Variants in MAP3K4 observed in about 807,000 individuals in gnomAD.
MAP3K4 encodes MAP three kinase 1.
In MAP3K4, 67 loss-of-function variants were observed where a neutral mutation model predicts 185.6. That is an observed-to-expected ratio of 0.36 (90% CI 0.30 to 0.44). The LOEUF (loss-of-function observed/expected upper bound fraction) is 0.44, where lower values mean the gene tolerates loss of function less well. Ranked by LOEUF, MAP3K4 falls within the 20% of genes least tolerant of loss-of-function variation. The pLI is 1.00. For synonymous variants in MAP3K4, 702 were observed against 710.4 expected, an observed-to-expected ratio of 0.99 and a Z score of 0.19; for missense variants, 1,551 against 1,995.1, an observed-to-expected ratio of 0.78 and a Z score of 4.24.
In MAP3K4 at chr6:161,073,601, A is replaced by G; in HGVS notation, c.2086A>G (p.Lys696Glu). 2 of 1,612,610 alleles carry G rather than the reference A, an allele frequency of 1.2e-6. No individual in the cohort carries two copies. Among genetic ancestry groups the G allele is most frequent in the Non-Finnish European group, 1.7e-6 (2 of 1,179,504 alleles). ...TGACGCTTTTGAAGAGGATCTACAT[A>G]AAATGCTTATGGTCAGAAGCAGTGG... ...NIDAFEEDLHKMLMVYFDYMR... is the reference protein window; with the variant it reads ...NIDAFEEDLHEMLMVYFDYMR... Residue 696 changes from lysine to glutamate, a missense_variant, in exon 5 of 27, where the codon AAA (lysine) becomes GAA (glutamate). Lys to Glu is a moderately conservative substitution (Grantham distance 56). This residue lies in a region of MAP3K4 where 130 missense variants were observed against 171.3 expected (regional missense o/e 0.76). Transcript: ENST00000392142. This position sits in a 1 kb window ranked among gnomAD's most constrained non-coding sequence, Gnocchi z 4.2.
intron 2 of MAP3K4, among the ~76,000 whole-genome samples, chr6:161,042,790 G>A (rs1449561596): frequency 6.6e-6 from 1 of 152,148 alleles, no homozygotes; most frequent in Non-Finnish European, 1.5e-5. Context: ...GCATTGCTGG[G>A]CGATCATTGT....
intron 18 of MAP3K4, among the ~76,000 whole-genome samples, chr6:161,102,253 C>G (rs567252554): frequency 1.4e-4 from 21 of 152,254 alleles, no homozygotes; most frequent in Admixed American, 4.6e-4. Flanking sequence ...TATTATTATT[C>G]TAGATATTTT....
chr6:161,047,557 G>A (rs1783791836), intron 2 of MAP3K4, among the ~76,000 whole-genome samples: 2 of 152,100 alleles, frequency 1.3e-5, no homozygotes, highest in African/African-American at 2.4e-5. Flanking sequence ...TGAGTGTAGA[G>A]GGTAGATTGA....
At position 161,070,890 on chromosome 6, in the gene MAP3K4, A is replaced by G. The variant is rs758861666; in HGVS notation, c.1950+40A>G. 1.2e-5 allele frequency: 18 copies of G among 1,523,968 alleles called. No individual in the cohort carries two copies. Among genetic ancestry groups the G allele is most frequent in the Middle Eastern group, 2.3e-4 (1 of 4,440 alleles). 94.4% of individuals were successfully genotyped at this position (1,523,968 alleles called of 1,614,324 possible). Reference sequence around the variant, plus strand: ...CTCTTTAAAATATTTAGCAATTATTATATTATCCTACAGGCTTATCATTTT... The same window carrying G: ...CTCTTTAAAATATTTAGCAATTATTGTATTATCCTACAGGCTTATCATTTT... On this transcript the variant is annotated intron_variant, in intron 4 of 26. Transcript: ENST00000392142. The surrounding 1 kb of genome is among the most constrained non-coding windows in gnomAD (Gnocchi z 4.5).
In MAP3K4 at chr6:161,073,481, A is replaced by G. The variant is rs1260162359; in HGVS notation, c.1966A>G (p.Lys656Glu). The change falls in exon 5 of 27, where the codon AAG (lysine) becomes GAG (glutamate). Residue 656 changes from lysine (K) to glutamate (E), a missense_variant. Lys to Glu is a moderately conservative substitution (Grantham distance 56, BLOSUM62 1). Transcript: ENST00000392142. This position sits in a 1 kb window ranked among gnomAD's most constrained non-coding sequence, Gnocchi z 4.2. ...LSIKQLVREC[K>E]EVLKGGLLMK... Reference sequence around the variant, plus strand: ...TGTTTTGCAGCTGGTGAGAGAGTGTAAGGAGGTCCTGAAGGGCGGCCTGCT... The same window carrying G: ...TGTTTTGCAGCTGGTGAGAGAGTGTGAGGAGGTCCTGAAGGGCGGCCTGCT... 4 of 1,611,432 alleles carry G rather than the reference A, an allele frequency of 2.5e-6. No homozygotes were observed. The highest frequency in any genetic ancestry group is 3.4e-6 in the Non-Finnish European group (4 of 1,178,912).
intron 11 of MAP3K4, among the ~76,000 whole-genome samples, chr6:161,090,249 G>A (rs1335574893): frequency 2.0e-5 from 3 of 152,208 alleles, no homozygotes; most frequent in African/African-American, 7.2e-5. Context: ...ACCATAGTAA[G>A]GGGATTGCCT....
At position 160,991,825 on chromosome 6, in the gene MAP3K4, G is replaced by A. The variant is rs1002758621; in HGVS notation, c.-107G>A. On this transcript the variant is annotated 5_prime_UTR_variant, in exon 1 of 27. Transcript: ENST00000392142. This position sits in a 1 kb window ranked among gnomAD's most constrained non-coding sequence, Gnocchi z 5.7. ...CGGCGCGCACGGCTCCTGCGGCGGG[G>A]TAGAGGCGGAGGCGGAGTCGAGTCA... 224 of 1,274,904 alleles carry A rather than the reference G, an allele frequency of 1.8e-4. 1 individual carries two copies. The East Asian group carries it at 5.5e-3, about 31-fold the overall frequency. The allele number at this position is 1,274,904 out of a possible 1,614,324, so 79.0% of individuals were successfully genotyped here.
intron 1 of MAP3K4, among the ~76,000 whole-genome samples, chr6:160,994,969 GATT>G (rs1403422448): frequency 6.6e-6 from 1 of 152,190 alleles, no homozygotes; most frequent in Non-Finnish European, 1.5e-5. Flanking sequence ...AAAGTGTTGG[GATT>G]ACAGGCGTGA....
rs1289592299 is a variant in MAP3K4 at position 161,076,449 on chromosome 6, G to A, written c.2097+2837G>A. Among the ~76,000 whole-genome samples the A allele has an allele frequency of 1.3e-5, 2 of 152,170 alleles. No individual in the cohort carries two copies. The highest frequency in any genetic ancestry group is 4.8e-5 in the African/African-American group (2 of 41,434). ...TTTACTCTGCGTTAGGACATCCACT[G>A]TACTCGAAAAACTGAGACACTTAAG... On this transcript the variant is annotated intron_variant, in intron 5 of 26. Coordinates refer to ENST00000392142, the MANE Select transcript of MAP3K4 (RefSeq NM_005922.4). This position sits in a 1 kb window ranked among gnomAD's most constrained non-coding sequence, Gnocchi z 4.2.
rs1341686363 is a variant in MAP3K4 at position 161,070,867 on chromosome 6, C to G, written c.1950+17C>G. The stretch of plus-strand genomic sequence containing the variant: ...ATTAAGCAGGTTTGCTTCAAAGACT[C>G]TTTAAAATATTTAGCAATTATTATA... On this transcript the variant is annotated intron_variant, in intron 4 of 26. Transcript: ENST00000392142. The surrounding 1 kb of genome is among the most constrained non-coding windows in gnomAD (Gnocchi z 4.5). The G allele has an allele frequency of 5.7e-6, 9 of 1,582,512 alleles. No individual in the cohort carries two copies. In the Admixed American group the frequency reaches 7.3e-5, roughly 13 times the overall value.
chr6:161,072,045 A>G (rs1003438178), intron 4 of MAP3K4, among the ~76,000 whole-genome samples: 1 of 152,242 alleles, frequency 6.6e-6, no homozygotes, highest in African/African-American at 2.4e-5. Flanking sequence ...TAGCACTGCT[A>G]GAGTAGAAAG....
chr6:161,108,210 G>T lies in MAP3K4; in HGVS notation c.4119+241G>T, dbSNP rs1162849582. On this transcript the variant is annotated intron_variant, in intron 21 of 26. Coordinates refer to ENST00000392142, the MANE Select transcript of MAP3K4 (RefSeq NM_005922.4). The surrounding 1 kb of genome is among the most constrained non-coding windows in gnomAD (Gnocchi z 5.7). ...TTCTAACAGCACAGGTGTGAGAAGG[G>T]CCTATGAGGGTGGCAGAGCTGAGTC... Among the ~76,000 whole-genome samples the T allele has an allele frequency of 6.6e-6, 1 of 152,234 alleles. No homozygotes were observed. Among genetic ancestry groups the T allele is most frequent in the Admixed American group, 6.5e-5 (1 of 15,288 alleles).
chr6:161,105,631 C>T (rs918888410), intron 19 of MAP3K4, among the ~76,000 whole-genome samples: 8 of 152,186 alleles, frequency 5.3e-5, no homozygotes, highest in African/African-American at 1.9e-4. Flanking sequence ...AACAGATACT[C>T]AGGTATGAAG....
In MAP3K4 at chr6:161,053,154, G is replaced by C. The variant is rs1244139124; in HGVS notation, c.1707+3175G>C. On this transcript the variant is annotated intron_variant, in intron 3 of 26. Coordinates refer to ENST00000392142, the MANE Select transcript of MAP3K4 (RefSeq NM_005922.4). This position sits in a 1 kb window ranked among gnomAD's most constrained non-coding sequence, Gnocchi z 4.2. ...TCAGCTTCTGGGGAGGCCTCAGGGA[G>C]CTATAGTCATGATGGAAGGCAAAGC... 2.0e-5 allele frequency among the ~76,000 whole-genome samples: 3 copies of C among 152,214 alleles called. No homozygotes were observed. Among genetic ancestry groups the C allele is most frequent in the African/African-American group, 7.2e-5 (3 of 41,448 alleles).
In MAP3K4 at chr6:161,109,843, T is replaced by G. The variant is rs1778266234; in HGVS notation, c.4325T>G (p.Leu1442Arg). The change falls in exon 23 of 27, where the codon CTG (leucine) becomes CGG (arginine). Residue 1442 changes from leucine to arginine, a missense_variant. Leu to Arg is a moderately radical substitution (Grantham distance 102, BLOSUM62 -2). Transcript: ENST00000392142. This position sits in a 1 kb window ranked among gnomAD's most constrained non-coding sequence, Gnocchi z 5.7. Reference protein sequence around the residue: ...RLGLQEHVIRLYSKQITIAIN... With the variant: ...RLGLQEHVIRRYSKQITIAIN... ...GGACTTCAGGAACATGTGATTAGGC[T>G]GTATTCAAAGCAGATCACCATTGCG... 1 of 1,614,026 alleles carries G rather than the reference T, an allele frequency of 6.2e-7. No individual in the cohort carries two copies. Among genetic ancestry groups the G allele is most frequent in the South Asian group, 1.1e-5 (1 of 91,078 alleles).
chr6:161,071,338 AGGAG>A lies in MAP3K4; in HGVS notation c.1950+489_1950+492del, dbSNP rs1446264712. On this transcript the variant is annotated intron_variant, in intron 4 of 26. Transcript: ENST00000392142. The surrounding 1 kb of genome is among the most constrained non-coding windows in gnomAD (Gnocchi z 4.6). The stretch of plus-strand genomic sequence containing the variant: ...GGATCTTACGGATGTTTGATATCCC[AGGAG>A]CAGCAGCGGAATGGGTGGAAGCAGT... Among the ~76,000 whole-genome samples the A allele has an allele frequency of 6.6e-6, 1 of 152,206 alleles. No individual in the cohort carries two copies. The highest frequency in any genetic ancestry group is 2.4e-5 in the African/African-American group (1 of 41,458).
chr6:161,104,767 T>C (rs947475263), intron 19 of MAP3K4, among the ~76,000 whole-genome samples: 2 of 151,678 alleles, frequency 1.3e-5, no homozygotes, highest in African/African-American at 4.8e-5. Context: ...CTCAGAAATA[T>C]TTGTCAGTGG....
chr6:161,116,066 GT>G lies in MAP3K4; in HGVS notation c.4806+766del, dbSNP rs1227735692. ...GGTGAGTGAACAGCGGCATTTAAGA[GT>G]TAGAGTGCCGTGGCTGACCCCTGAT... is the stretch of plus-strand genomic sequence containing the variant. On this transcript the variant is annotated intron_variant, in intron 26 of 26. Transcript: ENST00000392142. The surrounding 1 kb of genome is among the most constrained non-coding windows in gnomAD (Gnocchi z 6.2). Among the ~76,000 whole-genome samples the G allele has an allele frequency of 2.0e-5, 3 of 152,156 alleles. No homozygotes were observed. The highest frequency in any genetic ancestry group is 2.9e-5 in the Non-Finnish European group (2 of 68,022).
chr6:161,111,831 T>C lies in MAP3K4; in HGVS notation c.4397-5T>C, dbSNP rs1372947878. ...CTGCGTAACAACTACTTCTTTTCTT[T>C]TTAGGTGCCAATATCTTCCTTACCT... On this transcript the variant is annotated splice_region_variant and splice_polypyrimidine_tract_variant and intron_variant, in intron 23 of 26. Coordinates refer to ENST00000392142, the MANE Select transcript of MAP3K4 (RefSeq NM_005922.4). 1.9e-6 allele frequency: 3 copies of C among 1,613,734 alleles called. No homozygotes were observed. Among genetic ancestry groups the C allele is most frequent in the Non-Finnish European group, 2.5e-6 (3 of 1,179,804 alleles).
Sources: gnomAD v4.1 joint callset for allele counts (sites outside exome capture counted in the v4.1 genomes callset) on GRCh38, gnomAD v4.1.1 for gene constraint, gnomAD v4.1.1 regional missense constraint, Gnocchi (gnomAD v3.1) non-coding constraint, MANE v1.5 for transcripts, NCBI Gene and HGNC (gene_info 2026-07-23, HGNC 2026-07-21) for gene names.